CELF1: variants seen among roughly 807,000 people sequenced by gnomAD.
CELF1 encodes the protein CUGBP Elav-like family member 1.
A neutral mutation model predicts 61.8 loss-of-function variants in CELF1; 10 were observed. That is an observed-to-expected ratio of 0.16 (90% CI 0.10 to 0.27). The LOEUF (loss-of-function observed/expected upper bound fraction) is 0.27. Ranked by LOEUF, CELF1 falls within the 10% of genes least tolerant of loss-of-function variation. The pLI is 1.00. For missense variants in CELF1, 380 were observed against 639.1 expected, an observed-to-expected ratio of 0.59 and a Z score of 4.37; for synonymous variants, 236 against 225.1, an observed-to-expected ratio of 1.05 and a Z score of -0.43.
chr11:47,535,812 A>G (rs11039279), intron 1 of CELF1, among the ~76,000 whole-genome samples: 151,210 of 151,210 alleles, frequency 1, 75,605 homozygotes, highest in Non-Finnish European at 1. Context: ...GCCCAGGCTG[A>G]AGTGCAGTGG....
rs557655989 is a variant in CELF1, at chr11:47,467,812, C to T, written c.*4418G>A. The T allele has an allele frequency of 4.6e-5, 7 of 152,200 alleles. No homozygotes were observed. Among genetic ancestry groups the T allele is most frequent in the East Asian group, 1.9e-4 (1 of 5,186 alleles). 9.4% of individuals were successfully genotyped at this position (152,200 alleles called of 1,614,324 possible). On this transcript the variant is annotated 3_prime_UTR_variant, in exon 15 of 15. Transcript: ENST00000687097. ...GTGACAGTCTAAGTGCACAGGCAAACGCTCTAAGGGCAATAGAGGAGAAAG... is the reference window on the plus strand; with the variant it reads ...GTGACAGTCTAAGTGCACAGGCAAATGCTCTAAGGGCAATAGAGGAGAAAG...
At chr11:47,536,958 T>C (rs894937998) in intron 1 of CELF1, among the ~76,000 whole-genome samples, 2 of 152,120 alleles carry the variant, frequency 1.3e-5, no homozygotes, top group African/African-American at 4.8e-5. Flanking sequence ...TCAAACAGCC[T>C]AGAAACAAAA....
Position 47,560,001 on chromosome 11 carries a change from C to CAA in CELF1, c.-11+4348_-11+4349dup, listed in dbSNP as rs770878595. Among the ~76,000 whole-genome samples, 550 of 75,392 alleles carry CAA rather than the reference C, an allele frequency of 7.3e-3. 3 individuals are homozygous for CAA. Among genetic ancestry groups the CAA allele is most frequent in the African/African-American group, 0.024 (489 of 20,190 alleles). The allele number at this position is 75,392 out of a possible 152,430, so 49.5% of individuals were successfully genotyped here. ...TTGGTGACAGAGCAAGACTCTATCT[C>CAA]AAAAAAAAAAAAAAAAAGCCAGACG... On this transcript the variant is annotated intron_variant, in intron 2 of 3. Transcript: ENST00000525841.
chr11:47,514,708 A>AAT (rs2095454698), intron 1 of CELF1: 1 of 152,018 alleles, frequency 6.6e-6, no homozygotes, highest in East Asian at 1.9e-4. Flanking sequence ...AAAAAAAAAA[A>AAT]AAAATCAGAC....
intron 12 of CELF1, 81 bp from the exon 13 acceptor site, chr11:47,475,602 A>G (rs1304333415): frequency 3.5e-6 from 5 of 1,439,220 alleles, no homozygotes; most frequent in Non-Finnish European, 3.8e-6. Flanking sequence ...GACATCTAGA[A>G]GAGGGAAAAC....
intron 10 of CELF1, 33 bp from the exon 11 acceptor site, chr11:47,477,458 G>A (rs1490044478): frequency 6.2e-7 from 1 of 1,609,012 alleles, no homozygotes; most frequent in Non-Finnish European, 8.5e-7. Context: ...TTAGCCAGCA[G>A]ATAAGGGTGC....
intron 3 of CELF1, among the ~76,000 whole-genome samples, chr11:47,490,066 G>C (rs2153483091): frequency 6.7e-6 from 1 of 149,608 alleles, no homozygotes; most frequent in Non-Finnish European, 1.5e-5. Flanking sequence ...AGCCTCCCAA[G>C]TGGCTGGGAT....
At chr11:47,552,787 G>C (rs976380346) in intron 1 of CELF1, among the ~76,000 whole-genome samples, 1 of 152,172 alleles carries the variant, frequency 6.6e-6, no homozygotes, top group East Asian at 1.9e-4. Context: ...GGGCAAACGC[G>C]ACAGGACCCG....
chr11:47,494,769 G>A (rs1007511761), intron 3 of CELF1, among the ~76,000 whole-genome samples: 1 of 152,184 alleles, frequency 6.6e-6, no homozygotes, highest in Non-Finnish European at 1.5e-5. Context: ...GGCCAATCAA[G>A]CTCCTTTATA....
chr11:47,552,103 C>T (rs1462949422), intron 1 of CELF1, among the ~76,000 whole-genome samples: 1 of 151,988 alleles, frequency 6.6e-6, no homozygotes, highest in Non-Finnish European at 1.5e-5. Context: ...ATTTCATGCT[C>T]TTTAAAACTG....
At chr11:47,524,495 C>G (rs1447085171) in intron 1 of CELF1, 2 of 152,250 alleles carry the variant, frequency 1.3e-5, no homozygotes, top group Non-Finnish European at 2.9e-5. Context: ...AACCTGAACA[C>G]AGCAAAACAA....
chr11:47,490,716 C>T (rs1443763413), intron 3 of CELF1, among the ~76,000 whole-genome samples: 3 of 151,980 alleles, frequency 2.0e-5, no homozygotes, highest in Non-Finnish European at 4.4e-5. Flanking sequence ...TGAAGCACTG[C>T]ACCCAGCCAA....
intron 5 of CELF1, 123 bp from the exon 6 acceptor site, chr11:47,486,921 T>A (rs759657475): frequency 1.2e-6 from 1 of 816,674 alleles, no homozygotes; most frequent in East Asian, 2.5e-5. Context: ...GTCTGCTTCA[T>A]GATCTTTCCC....
chr11:47,499,003 A>T (rs748820072), intron 3 of CELF1, among the ~76,000 whole-genome samples: 6 of 152,116 alleles, frequency 3.9e-5, no homozygotes, highest in Non-Finnish European at 5.9e-5. Context: ...ATGATACTAA[A>T]CACACTGACT....
rs3508 is a variant in CELF1 at position 47,471,379 on chromosome 11, T to C, written c.*851A>G. On this transcript the variant is annotated 3_prime_UTR_variant, in exon 15 of 15. Coordinates refer to ENST00000687097, the MANE Select transcript of CELF1 (RefSeq NM_001376376.1). ...CCATAGAGGCCTTTAAAGAGACCCG[T>C]TGGAAATGGGCCATGGTCTAATTTG... is the stretch of plus-strand genomic sequence containing the variant. The C allele has an allele frequency of 1.9e-4, 29 of 152,250 alleles. No homozygotes were observed. Among genetic ancestry groups the C allele is most frequent in the Admixed American group, 2.0e-4 (3 of 15,290 alleles). The allele number at this position is 152,250 out of a possible 1,614,324, so 9.4% of individuals were successfully genotyped here.
intron 1 of CELF1, among the ~76,000 whole-genome samples, chr11:47,551,571 A>G (rs1317041804): frequency 6.6e-6 from 1 of 152,258 alleles, no homozygotes. Context: ...TTCTATATTG[A>G]GACGCCTTCA....
intron 11 of CELF1, 100 bp downstream of exon 11, chr11:47,477,197 G>T: frequency 5.2e-6 from 7 of 1,342,052 alleles, no homozygotes; most frequent in Non-Finnish European, 7.3e-6. Flanking sequence ...GACCTCTCTG[G>T]AAACAGGTGT....
chr11:47,500,698 A>T (rs186362758), intron 2 of CELF1, among the ~76,000 whole-genome samples, 163 bp downstream of exon 2: 31 of 152,198 alleles, frequency 2.0e-4, no homozygotes, highest in Admixed American at 3.9e-4. Flanking sequence ...TATACTTAGC[A>T]GTCAAGGCAG....
intron 1 of CELF1, among the ~76,000 whole-genome samples, chr11:47,550,516 G>A (rs1302051581): frequency 6.6e-6 from 1 of 152,080 alleles, no homozygotes; most frequent in Non-Finnish European, 1.5e-5. Context: ...TCCATGGCGG[G>A]GTTGGGGGGG....
Sources: gnomAD v4.1 joint callset for allele counts (sites outside exome capture counted in the v4.1 genomes callset) on GRCh38, gnomAD v4.1.1 for gene constraint, MANE v1.5 for transcripts, NCBI Gene and HGNC (gene_info 2026-07-23, HGNC 2026-07-21) for gene names.